Variants in CNTNAP2 observed in about 807,000 individuals in gnomAD.
CNTNAP2 encodes the protein contactin associated protein 2.
CNTNAP2 carries 98 observed loss-of-function variants against 155.2 expected under a neutral mutation model. The observed-to-expected ratio is 0.63, with a 90% CI of 0.54 to 0.75. CNTNAP2 has a LOEUF of 0.75. CNTNAP2 is among the 30% of genes least tolerant of loss of function. The pLI, the probability that CNTNAP2 is intolerant of heterozygous loss-of-function variation, is 0.00. For missense variants in CNTNAP2, 1,727 were observed against 1,688.1 expected (o/e 1.02, Z -0.40); for synonymous variants, 651 against 631.2 (o/e 1.03, Z -0.47).
chr7:146,733,744 C>T (rs1801565990), intron 1 of CNTNAP2, among the ~76,000 whole-genome samples: 1 of 151,850 alleles, frequency 6.6e-6, no homozygotes, highest in African/African-American at 2.4e-5. Context: ...AGAAAAGGAG[C>T]CAGACAAGAC....
intron 14 of CNTNAP2, among the ~76,000 whole-genome samples, chr7:147,958,240 T>A (rs1044266187): frequency 3.9e-5 from 6 of 152,186 alleles, no homozygotes; most frequent in African/African-American, 1.4e-4. Context: ...CCAATATTAC[T>A]CATTGATTAT....
At chr7:146,328,045 TG>T (rs1291064730) in intron 1 of CNTNAP2, among the ~76,000 whole-genome samples, 3 of 152,190 alleles carry the variant, frequency 2.0e-5, no homozygotes, top group Non-Finnish European at 4.4e-5. Flanking sequence ...AGACCGGTAC[TG>T]GTCCATGGCC....
chr7:146,362,475 C>T (rs1160324373), intron 1 of CNTNAP2, among the ~76,000 whole-genome samples: 1 of 152,110 alleles, frequency 6.6e-6, no homozygotes, highest in African/African-American at 2.4e-5. Context: ...TGTGAAGGAG[C>T]AGCCTGTGAA....
intron 4 of CNTNAP2, among the ~76,000 whole-genome samples, chr7:147,062,152 A>AAC: frequency 7.2e-6 from 1 of 138,192 alleles, no homozygotes; most frequent in East Asian, 2.0e-4. Context: ...AAAAAAAAAA[A>AAC]AAAAAAAAAA....
intron 9 of CNTNAP2, among the ~76,000 whole-genome samples, chr7:147,366,914 G>A (rs1231014110): frequency 2.6e-5 from 4 of 151,840 alleles, no homozygotes; most frequent in African/African-American, 4.8e-5. Context: ...ATCCACTTTC[G>A]TAAAAGTTCC....
At chr7:146,975,917 G>A (rs2129235100) in intron 3 of CNTNAP2, among the ~76,000 whole-genome samples, 1 of 152,316 alleles carries the variant, frequency 6.6e-6, no homozygotes, top group African/African-American at 2.4e-5. Context: ...TGGGGAGACA[G>A]ATGATCCTGT....
chr7:147,317,800 A>G (rs28514391), intron 9 of CNTNAP2, among the ~76,000 whole-genome samples: 7,875 of 148,372 alleles, frequency 0.053, 429 homozygotes, highest in African/African-American at 0.14. Context: ...GTGTGTGTGT[A>G]TATGTATATA....
At chr7:146,336,192 T>G (rs548308594) in intron 1 of CNTNAP2, among the ~76,000 whole-genome samples, 1 of 144,366 alleles carries the variant, frequency 6.9e-6, no homozygotes, top group Non-Finnish European at 1.5e-5. Flanking sequence ...CGAGTGAAAC[T>G]CCGTCTAAAA....
At chr7:147,225,890 G>A (rs889144541) in intron 8 of CNTNAP2, among the ~76,000 whole-genome samples, 2 of 109,626 alleles carry the variant, frequency 1.8e-5, no homozygotes, top group African/African-American at 3.6e-5. Flanking sequence ...AAGGAAGGAA[G>A]GAAGGAAGGA....
intron 18 of CNTNAP2, among the ~76,000 whole-genome samples, chr7:148,205,839 G>A (rs1795440377): frequency 6.6e-6 from 1 of 152,146 alleles, no homozygotes; most frequent in African/African-American, 2.4e-5. Context: ...GGGGCTAGCT[G>A]GGATTAGACA....
At chr7:146,577,950 G>T (rs991474266) in intron 1 of CNTNAP2, among the ~76,000 whole-genome samples, 4 of 152,054 alleles carry the variant, frequency 2.6e-5, no homozygotes, top group Admixed American at 1.3e-4. Flanking sequence ...ACCTGGGTAT[G>T]GTAAGTAGTG....
intron 2 of CNTNAP2, among the ~76,000 whole-genome samples, chr7:146,787,496 G>T (rs1161507394): frequency 1.3e-5 from 2 of 152,152 alleles, no homozygotes; most frequent in Non-Finnish European, 2.9e-5. Flanking sequence ...GTCTGGAGTT[G>T]TTCCTTCCTT....
intron 16 of CNTNAP2, among the ~76,000 whole-genome samples, chr7:148,146,208 G>A (rs1805173428): frequency 6.6e-6 from 1 of 152,202 alleles, no homozygotes; most frequent in Non-Finnish European, 1.5e-5. Context: ...TTAGAGATTA[G>A]GTGGAAAGCT....
chr7:148,198,129 T>A lies in CNTNAP2; in HGVS notation c.3011-19159T>A, dbSNP rs774803800. 6.7e-4 allele frequency among the ~76,000 whole-genome samples: 102 copies of A among 152,112 alleles called. 4 individuals carry two copies. Among genetic ancestry groups the A allele is most frequent in the Non-Finnish European group, 2.8e-4 (19 of 68,026 alleles). On this transcript the variant is annotated intron_variant, in intron 18 of 23. Transcript: ENST00000361727. ...GCTGAGAAGCCTGAGGGTGGCTGGT[T>A]CCAAAGGGACTGACCCAAGCCTGTA...
intron 1 of CNTNAP2, among the ~76,000 whole-genome samples, chr7:146,483,397 G>T (rs1797008329): frequency 7.2e-6 from 1 of 139,550 alleles, no homozygotes; most frequent in Admixed American, 7.7e-5. Flanking sequence ...CACATTCATT[G>T]TTACATAATT....
chr7:147,864,429 A>G (rs1033067664), intron 13 of CNTNAP2, among the ~76,000 whole-genome samples: 2 of 151,522 alleles, frequency 1.3e-5, no homozygotes, highest in Admixed American at 1.3e-4. Context: ...TTGCTTCCAT[A>G]TGAACTTTAA....
At chr7:147,736,755 G>C (rs1016665578) in intron 13 of CNTNAP2, among the ~76,000 whole-genome samples, 10 of 152,040 alleles carry the variant, frequency 6.6e-5, no homozygotes, top group African/African-American at 2.4e-4. Context: ...TTCTCTTCTT[G>C]CTTCATTTCA....
At chr7:146,815,706 T>G in intron 2 of CNTNAP2, among the ~76,000 whole-genome samples, 1 of 152,190 alleles carries the variant, frequency 6.6e-6, no homozygotes, top group East Asian at 1.9e-4. Flanking sequence ...ATTAGCAAGT[T>G]CCCTGTGCTT....
intron 21 of CNTNAP2, among the ~76,000 whole-genome samples, chr7:148,291,057 A>G (rs1223113568): frequency 1.3e-5 from 2 of 152,168 alleles, no homozygotes; most frequent in African/African-American, 2.4e-5. Flanking sequence ...TTATACTTCT[A>G]TGAATGTAGA....
Sources: allele counts gnomAD v4.1 joint callset (sites outside exome capture counted in the v4.1 genomes callset), GRCh38; gene constraint gnomAD v4.1.1; transcripts MANE v1.5; gene names NCBI Gene and HGNC (gene_info 2026-07-23, HGNC 2026-07-21).